Variants in C20orf96 observed in about 807,000 individuals in gnomAD.
The protein encoded by C20orf96 is chromosome 20 open reading frame 96, also known as uncharacterized protein C20orf96.
A neutral mutation model predicts 52.6 loss-of-function variants in C20orf96; 57 were observed. That is an observed-to-expected ratio of 1.08 (90% CI 0.88 to 1.35). The LOEUF (loss-of-function observed/expected upper bound fraction) is 1.35, where lower values mean the gene tolerates loss of function less well. Ranked by LOEUF, C20orf96 falls within the 40% of genes most tolerant of loss-of-function variation. The pLI is 0.00. For missense variants in C20orf96, 478 were observed against 443.6 expected, an observed-to-expected ratio of 1.08 and a Z score of -0.70; for synonymous variants, 168 against 157.2, an observed-to-expected ratio of 1.07 and a Z score of -0.51.
intron 4 of C20orf96, among the ~76,000 whole-genome samples, chr20:279,891 A>G (rs2012205984): frequency 6.6e-6 from 1 of 151,974 alleles, no homozygotes; most frequent in Non-Finnish European, 1.5e-5. Flanking sequence ...AATCGCTTGA[A>G]CCTGGGAGGC....
At chr20:287,833 C>G (rs6082245) in intron 3 of C20orf96, among the ~76,000 whole-genome samples, 3 of 146,874 alleles carry the variant, frequency 2.0e-5, no homozygotes, top group Admixed American at 1.4e-4. Flanking sequence ...CGCTTGAACC[C>G]GGGAGACAGA....
Position 276,053 on chromosome 20 carries a change from A to G in C20orf96, c.946T>C (p.Leu316=). The change falls in exon 10 of 11, where the codon TTA becomes CTA. Residue 316 remains leucine, a synonymous_variant. Transcript: ENST00000360321. ...IDQFEENMPV[L]RAEVEELQAQ... ...TGGAGCTCTTCCACCTCGGCCCTTA[A>G]TACAGGCATGTTCTCCTCAAACTGG... 6.2e-7 allele frequency: 1 copy of G among 1,614,170 alleles called. No homozygotes were observed. Among genetic ancestry groups the G allele is most frequent in the East Asian group, 2.2e-5 (1 of 44,888 alleles).
At chr20:287,527 T>A (rs1015991604) in intron 3 of C20orf96, among the ~76,000 whole-genome samples, 1 of 152,356 alleles carries the variant, frequency 6.6e-6, no homozygotes, top group African/African-American at 2.4e-5. Context: ...GTTTCACTGT[T>A]GAGTTTTTAC....
intron 10 of C20orf96, 52 bp from the exon 11 acceptor site, chr20:271,319 G>A (rs756126565): frequency 3.5e-6 from 5 of 1,441,020 alleles, no homozygotes; most frequent in Middle Eastern, 1.8e-4. Flanking sequence ...GGCGGTGTGG[G>A]AGCACCCACT....
intron 3 of C20orf96, among the ~76,000 whole-genome samples, chr20:288,190 T>TTTTTC (rs2012445061): frequency 6.9e-6 from 1 of 145,368 alleles, no homozygotes; most frequent in African/African-American, 2.5e-5. Flanking sequence ...TTTTTTTTTT[T>TTTTTC]TTTTTTTGCC....
chr20:276,482 G>C, intron 9 of C20orf96: 1 of 985,410 alleles, frequency 1.0e-6, no homozygotes, highest in Non-Finnish European at 1.2e-6. Flanking sequence ...AATGGGTGGT[G>C]GGCAGTAACA....
rs76532831 is a variant in C20orf96 at position 274,595 on chromosome 20, A to T, written c.1031+1373T>A. Among the ~76,000 whole-genome samples the T allele has an allele frequency of 6.6e-5, 10 of 152,206 alleles. No homozygotes were observed. In the East Asian group the frequency reaches 1.9e-3, roughly 30 times the overall value. ...CCTTTCAGTCTCATTCACTGTGTTC[A>T]GAGTTCAGGTAAAGACAAGTGACTA... On this transcript the variant is annotated intron_variant, in intron 10 of 10. Coordinates refer to ENST00000360321, the MANE Select transcript of C20orf96 (RefSeq NM_153269.3).
At position 289,552 on chromosome 20, in the gene C20orf96, C is replaced by T. The variant is rs531176170; in HGVS notation, c.187+7G>A. 120 of 1,600,234 alleles carry T rather than the reference C, an allele frequency of 7.5e-5. 1 individual carries two copies. In the South Asian group the frequency reaches 7.7e-4, roughly 10 times the overall value. On this transcript the variant is annotated splice_region_variant and intron_variant, in intron 3 of 10. Coordinates refer to ENST00000360321, the MANE Select transcript of C20orf96 (RefSeq NM_153269.3). ...CCCCACACCAGCTCCCAGGTGCCTC[C>T]GCCCACCTGGTTGGACCCTAGTCAA...
At chr20:279,461 G>A (rs796080877) in intron 4 of C20orf96, 131 bp from the exon 5 acceptor site, 49 of 1,060,368 alleles carry the variant, frequency 4.6e-5, no homozygotes, top group African/African-American at 1.7e-4. Flanking sequence ...GGTAAACGCG[G>A]CCCAAGCTGG....
intron 4 of C20orf96, among the ~76,000 whole-genome samples, chr20:279,650 T>C (rs1048600514): frequency 6.6e-6 from 1 of 152,114 alleles, no homozygotes; most frequent in African/African-American, 2.4e-5. Flanking sequence ...TTCATATCAA[T>C]GGCTTCTCAG....
intron 10 of C20orf96, among the ~76,000 whole-genome samples, chr20:275,065 C>G (rs1002061541): frequency 6.6e-6 from 1 of 152,232 alleles, no homozygotes; most frequent in African/African-American, 2.4e-5. Context: ...GATCCACCGG[C>G]CTTGGCCTCC....
chr20:277,543 C>T (rs773688916), intron 6 of C20orf96, among the ~76,000 whole-genome samples, 160 bp from the exon 7 acceptor site: 1 of 152,078 alleles, frequency 6.6e-6, no homozygotes, highest in Non-Finnish European at 1.5e-5. Context: ...AAAGTTAAGG[C>T]TCTAGACGGT....
chr20:290,512 C>A (rs1188302333), intron 1 of C20orf96, 79 bp downstream of exon 1: 1 of 1,571,076 alleles, frequency 6.4e-7, no homozygotes, highest in East Asian at 2.4e-5. Flanking sequence ...GAGGCGAGGG[C>A]GGGACAGCGG....
intron 5 of C20orf96, 83 bp downstream of exon 5, chr20:279,089 C>CGGGACGGAGGGACGGAGGGAGGGA: frequency 1.8e-6 from 1 of 569,216 alleles, no homozygotes; most frequent in South Asian, 3.7e-5. Context: ...GGACGGAGGG[C>CGGGACGGAGGGACGGAGGGAGGGA]GGGACGGAGG....
intron 10 of C20orf96, among the ~76,000 whole-genome samples, chr20:275,752 G>A (rs2011995961): frequency 6.6e-6 from 1 of 152,202 alleles, no homozygotes; most frequent in African/African-American, 2.4e-5. Flanking sequence ...CACCCAGCCT[G>A]CTGTGTACAG....
Position 290,306 on chromosome 20 carries a change from G to A in C20orf96, c.22C>T (p.Pro8Ser), listed in dbSNP as rs1220553942. The change falls in exon 2 of 11, where the codon CCC becomes TCC. Residue 8 changes from proline (P) to serine (S), a missense_variant and splice_region_variant. By Grantham distance (74) the Pro-to-Ser change is moderately conservative. Coordinates refer to ENST00000360321, the MANE Select transcript of C20orf96 (RefSeq NM_153269.3). The stretch of plus-strand genomic sequence containing the variant: ...ATGGAGTGAGTCCCAGAGTGCTTGG[G>A]TCTGGAAAGAGTTGGGAAGGGAAAG... MAHVLQKPKHSGTHSIVQ... is the reference protein window; with the variant it reads MAHVLQKSKHSGTHSIVQ... 1.9e-6 allele frequency: 3 copies of A among 1,612,904 alleles called. No homozygotes were observed. In the South Asian group the frequency reaches 3.3e-5, roughly 18 times the overall value.
intron 3 of C20orf96, among the ~76,000 whole-genome samples, chr20:287,931 G>A (rs1288755306): frequency 1.1e-3 from 74 of 66,420 alleles, no homozygotes; most frequent in African/African-American, 2.8e-3. Flanking sequence ...AAAAAAAAAA[G>A]TCTTTCACAG....
chr20:289,413 A>C (rs1326279058), intron 3 of C20orf96, 146 bp downstream of exon 3: 2 of 639,444 alleles, frequency 3.1e-6, no homozygotes, highest in Admixed American at 4.9e-5. Flanking sequence ...AATGAGATAT[A>C]AACTTCTATA....
At chr20:276,967 G>A (rs2277780) in intron 8 of C20orf96, 77 bp downstream of exon 8, 1 of 1,597,574 alleles carries the variant, frequency 6.3e-7, no homozygotes, top group African/African-American at 1.3e-5. Flanking sequence ...AGTGGGCCTG[G>A]AGGCAGAGGA....
Sources: allele counts gnomAD v4.1 joint callset (sites outside exome capture counted in the v4.1 genomes callset), GRCh38; gene constraint gnomAD v4.1.1; transcripts MANE v1.5; gene names NCBI Gene and HGNC (gene_info 2026-07-23, HGNC 2026-07-21).